The following PTPN3 variants were observed in gnomAD, a reference collection of about 807,000 sequenced individuals.
PTPN3 encodes tyrosine-protein phosphatase non-receptor type 3.
A neutral mutation model predicts 132.7 loss-of-function variants in PTPN3; 96 were observed. That is an observed-to-expected ratio of 0.72 (90% CI 0.61 to 0.86). PTPN3 has a LOEUF of 0.86. PTPN3 is among the 40% of genes least tolerant of loss of function. The pLI, the probability that PTPN3 is intolerant of heterozygous loss-of-function variation, is 0.00. For synonymous variants in PTPN3, 398 were observed against 429.0 expected (o/e 0.93, Z 0.89); for missense variants, 1,125 against 1,159.6 (o/e 0.97, Z 0.43).
At chr9:109,494,298 T>C (rs1847586464) in intron 1 of PTPN3, among the ~76,000 whole-genome samples, 2 of 152,120 alleles carry the variant, frequency 1.3e-5, no homozygotes, top group South Asian at 4.2e-4. Context: ...TAGTAAGACT[T>C]TGTCTCCACA....
At chr9:109,384,464 A>G (rs1839391226) in intron 22 of PTPN3, among the ~76,000 whole-genome samples, 1 of 152,276 alleles carries the variant, frequency 6.6e-6, no homozygotes, top group Non-Finnish European at 1.5e-5. Flanking sequence ...CACTCTTCCT[A>G]TGGCACCCCA....
chr9:109,500,240 A>G (rs925902278), upstream of PTPN3, among the ~76,000 whole-genome samples: 3 of 152,208 alleles, frequency 2.0e-5, no homozygotes, highest in African/African-American at 4.8e-5. Context: ...CAGTTTGCCA[A>G]CTGCTGAGAT....
intron 1 of PTPN3, among the ~76,000 whole-genome samples, chr9:109,483,039 G>T (rs1847034069): frequency 1.3e-5 from 2 of 152,208 alleles, no homozygotes; most frequent in African/African-American, 4.8e-5. Flanking sequence ...TCCCCAGTCT[G>T]CATAAATCTG....
At chr9:109,468,527 C>T (rs1160721655) in intron 1 of PTPN3, among the ~76,000 whole-genome samples, 18 of 152,052 alleles carry the variant, frequency 1.2e-4, no homozygotes, top group South Asian at 6.2e-4. Flanking sequence ...CCACCACGCC[C>T]GGCTAATTTT....
At chr9:109,413,451 C>G (rs921216099) in intron 14 of PTPN3, among the ~76,000 whole-genome samples, 2 of 152,232 alleles carry the variant, frequency 1.3e-5, no homozygotes, top group African/African-American at 2.4e-5. Flanking sequence ...TAAGTGGCAG[C>G]TGGCCACAGC....
chr9:109,471,609 T>A (rs923681652), intron 1 of PTPN3, among the ~76,000 whole-genome samples: 52 of 152,142 alleles, frequency 3.4e-4, no homozygotes, highest in African/African-American at 1.3e-3. Context: ...CCTTTATTTA[T>A]CTTCCCCGAT....
At chr9:109,449,584 C>T (rs1270383805) in intron 5 of PTPN3, 3 of 985,302 alleles carry the variant, frequency 3.0e-6, no homozygotes, top group South Asian at 4.7e-5. Flanking sequence ...AGGAGGCCTT[C>T]GGCAGCATTG....
In PTPN3 at chr9:109,383,530, G is replaced by T. The variant is rs773333531; in HGVS notation, c.2275C>A (p.Pro759Thr). 1 of 1,614,088 alleles carries T rather than the reference G, an allele frequency of 6.2e-7. No individual in the cohort carries two copies. The highest frequency in any genetic ancestry group is 8.5e-7 in the Non-Finnish European group (1 of 1,180,022). The change falls in exon 23 of 26, where the codon CCA (proline) becomes ACA (threonine). Residue 759 changes from proline to threonine, a missense_variant. Coordinates refer to ENST00000374541, the MANE Select transcript of PTPN3 (RefSeq NM_002829.4). Reference sequence around the variant, plus strand: ...TGGTTCATGACGTCGGGGGGATCTGGCCAGTACTGGTGACATTTGGTCTGT... The same window carrying T: ...TGGTTCATGACGTCGGGGGGATCTGTCCAGTACTGGTGACATTTGGTCTGT... ...RGRTKCHQYW[P>T]DPPDVMNHGG...
chr9:109,474,480 A>C (rs1846539609), intron 1 of PTPN3, among the ~76,000 whole-genome samples: 6 of 152,166 alleles, frequency 3.9e-5, no homozygotes, highest in Admixed American at 3.9e-4. Context: ...GAGGAACACA[A>C]GGAGGGCTCT....
At chr9:109,409,903 G>A (rs962493303) in intron 16 of PTPN3, 96 bp downstream of exon 16, 9 of 1,504,244 alleles carry the variant, frequency 6.0e-6, no homozygotes, top group Non-Finnish European at 7.1e-6. Flanking sequence ...ACTTCCTTAT[G>A]TAGCTCAGGA....
intron 19 of PTPN3, among the ~76,000 whole-genome samples, chr9:109,399,809 CT>C (rs1272650126): frequency 6.6e-6 from 1 of 152,166 alleles, no homozygotes; most frequent in Non-Finnish European, 1.5e-5. Context: ...GCCCCTTCCT[CT>C]TCCTACTCCT....
At chr9:109,491,373 T>C (rs1847454918) in intron 1 of PTPN3, among the ~76,000 whole-genome samples, 1 of 152,074 alleles carries the variant, frequency 6.6e-6, no homozygotes, top group Non-Finnish European at 1.5e-5. Context: ...TGGTTCAGGA[T>C]AGATATATAT....
chr9:109,475,114 T>TGTAAGAGAGTG (rs1266031581), intron 1 of PTPN3, among the ~76,000 whole-genome samples: 1 of 152,138 alleles, frequency 6.6e-6, no homozygotes, highest in Non-Finnish European at 1.5e-5. Flanking sequence ...GGAAGTGCCC[T>TGTAAGAGAGTG]GTAAGAGAGT....
intron 1 of PTPN3, among the ~76,000 whole-genome samples, chr9:109,474,383 G>A (rs951602091): frequency 6.6e-6 from 1 of 152,108 alleles, no homozygotes; most frequent in Non-Finnish European, 1.5e-5. Context: ...TTACTCTCTC[G>A]ATGTTCATTT....
upstream of PTPN3, among the ~76,000 whole-genome samples, chr9:109,499,758 C>G (rs1310773793): frequency 2.0e-5 from 3 of 152,204 alleles, no homozygotes; most frequent in Non-Finnish European, 4.4e-5. Flanking sequence ...TCGCACGTCC[C>G]GGGATAGCGC....
chr9:109,421,768 C>T (rs1842906796), intron 13 of PTPN3, among the ~76,000 whole-genome samples: 3 of 152,230 alleles, frequency 2.0e-5, no homozygotes, highest in Admixed American at 2.0e-4. Flanking sequence ...GAGCATTAGG[C>T]CCCCAGTGAA....
At chr9:109,445,107 AC>A (rs1327330159) in intron 7 of PTPN3, 132 bp downstream of exon 7, 1 of 822,566 alleles carries the variant, frequency 1.2e-6, no homozygotes, top group Non-Finnish European at 2.0e-6. Context: ...ACATATCTGG[AC>A]AGCCAGAGAT....
At chr9:109,493,191 C>T (rs976743046) in intron 1 of PTPN3, among the ~76,000 whole-genome samples, 2 of 152,092 alleles carry the variant, frequency 1.3e-5, no homozygotes, top group African/African-American at 4.8e-5. Context: ...TCAGTTGAGC[C>T]GAGGAATTCA....
At chr9:109,500,787 TGTG>T (rs369686517), upstream of PTPN3, among the ~76,000 whole-genome samples, 718 of 151,740 alleles carry the variant, frequency 4.7e-3, 4 homozygotes, top group African/African-American at 0.017. Flanking sequence ...CTTATCCAGG[TGTG>T]GTGGCATGCA....
Sources: gnomAD v4.1 joint callset for allele counts (sites outside exome capture counted in the v4.1 genomes callset) on GRCh38, gnomAD v4.1.1 for gene constraint, MANE v1.5 for transcripts, NCBI Gene and HGNC (gene_info 2026-07-23, HGNC 2026-07-21) for gene names.